The following GRIA1 variants were observed in gnomAD, a reference collection of about 807,000 sequenced individuals.
The protein encoded by GRIA1 is glutamate ionotropic receptor AMPA type subunit 1, also known as glutamate receptor 1.
In GRIA1, 31 loss-of-function variants were observed where a neutral mutation model predicts 99.2. That is an observed-to-expected ratio of 0.31 (90% CI 0.23 to 0.42). The LOEUF (loss-of-function observed/expected upper bound fraction) is 0.42. GRIA1 is among the 10% of genes least tolerant of loss of function. The pLI, the probability that GRIA1 is intolerant of heterozygous loss-of-function variation, is 1.00. For synonymous variants in GRIA1, 438 were observed against 432.4 expected (o/e 1.01, Z -0.16); for missense variants, 782 against 1,157.5 (o/e 0.68, Z 4.71).
chr5:153,630,932 C>T (rs548598468), intron 2 of GRIA1, among the ~76,000 whole-genome samples: 14 of 152,308 alleles, frequency 9.2e-5, no homozygotes, highest in African/African-American at 3.4e-4. Flanking sequence ...GATAGAGAAA[C>T]AAGTCCTGTT....
chr5:153,628,191 A>T (rs1767817892), intron 2 of GRIA1, among the ~76,000 whole-genome samples: 1 of 152,234 alleles, frequency 6.6e-6, no homozygotes, highest in South Asian at 2.1e-4. Context: ...CTCTCACAGA[A>T]GAGGTGGTGT....
chr5:153,588,056 T>C (rs1380554464), intron 2 of GRIA1, among the ~76,000 whole-genome samples: 2 of 152,164 alleles, frequency 1.3e-5, no homozygotes, highest in South Asian at 2.1e-4. Flanking sequence ...TCCTGCCAAT[T>C]GAAAAGACAT....
intron 13 of GRIA1, among the ~76,000 whole-genome samples, chr5:153,783,110 T>A (rs1181448651): frequency 6.6e-6 from 1 of 152,136 alleles, no homozygotes; most frequent in Non-Finnish European, 1.5e-5. Context: ...TCTCCAGCAT[T>A]GTGACCCTGT....
intron 2 of GRIA1, among the ~76,000 whole-genome samples, chr5:153,513,428 C>T (rs74865338): frequency 6.6e-6 from 1 of 152,136 alleles, no homozygotes; most frequent in South Asian, 2.1e-4. Context: ...AAACCTAACA[C>T]AAGCAGAACA....
At chr5:153,670,937 T>C (rs1002291557) in intron 5 of GRIA1, among the ~76,000 whole-genome samples, 2 of 152,204 alleles carry the variant, frequency 1.3e-5, no homozygotes, top group Non-Finnish European at 2.9e-5. Context: ...AAGATTATTA[T>C]TCCCAGCATG....
chr5:153,597,711 A>G (rs1174097738), intron 2 of GRIA1, among the ~76,000 whole-genome samples: 3 of 152,204 alleles, frequency 2.0e-5, no homozygotes, highest in Admixed American at 1.3e-4. Flanking sequence ...CTTGCCCTCA[A>G]GAAAATCACA....
At chr5:153,664,276 G>A (rs1755586094) in intron 5 of GRIA1, among the ~76,000 whole-genome samples, 1 of 152,194 alleles carries the variant, frequency 6.6e-6, no homozygotes, top group South Asian at 2.1e-4. Flanking sequence ...ACAGCTATGA[G>A]AAATACCATA....
At chr5:153,649,184 A>G (rs545984898) in intron 3 of GRIA1, among the ~76,000 whole-genome samples, 4 of 152,306 alleles carry the variant, frequency 2.6e-5, no homozygotes, top group African/African-American at 9.6e-5. Flanking sequence ...TTAGACACCA[A>G]CACAGCCCTG....
chr5:153,625,631 A>G (rs1767529715), intron 2 of GRIA1, among the ~76,000 whole-genome samples: 1 of 152,232 alleles, frequency 6.6e-6, no homozygotes, highest in South Asian at 2.1e-4. Flanking sequence ...AGTACAAATG[A>G]TTATAGGGTC....
chr5:153,669,976 C>A (rs938047403), intron 5 of GRIA1, among the ~76,000 whole-genome samples: 1 of 152,104 alleles, frequency 6.6e-6, no homozygotes, highest in Non-Finnish European at 1.5e-5. Context: ...TTTTGATTCA[C>A]CAGCATTAGA....
intron 11 of GRIA1, among the ~76,000 whole-genome samples, chr5:153,708,066 A>G (rs1759043901): frequency 6.6e-6 from 1 of 152,152 alleles, no homozygotes; most frequent in Admixed American, 6.5e-5. Flanking sequence ...TTCATCAGTG[A>G]GCATCTCATC....
chr5:153,802,150 A>G (rs543241729), intron 14 of GRIA1, among the ~76,000 whole-genome samples: 9 of 152,140 alleles, frequency 5.9e-5, no homozygotes, highest in Non-Finnish European at 1.3e-4. Context: ...TGGAAAATGT[A>G]TAAATACATA....
chr5:153,491,058 A>G (rs2113165312), intron 1 of GRIA1, 88 bp downstream of exon 1: 6 of 1,279,234 alleles, frequency 4.7e-6, no homozygotes, highest in South Asian at 2.4e-5. Flanking sequence ...CCTCCCCGGT[A>G]CTGACTGTTT....
chr5:153,689,998 G>A (rs1757629475), intron 8 of GRIA1, among the ~76,000 whole-genome samples: 1 of 152,200 alleles, frequency 6.6e-6, no homozygotes, highest in Non-Finnish European at 1.5e-5. Flanking sequence ...CTTCTCAGAA[G>A]TGGAGGCACT....
At chr5:153,659,905 G>A (rs887553281) in intron 5 of GRIA1, among the ~76,000 whole-genome samples, 2 of 152,180 alleles carry the variant, frequency 1.3e-5, no homozygotes, top group East Asian at 3.9e-4. Context: ...TTCTAGAGGA[G>A]TAATAACAAT....
chr5:153,628,959 T>G (rs899711704), intron 2 of GRIA1, among the ~76,000 whole-genome samples: 1 of 152,154 alleles, frequency 6.6e-6, no homozygotes, highest in Non-Finnish European at 1.5e-5. Flanking sequence ...CTGCTGAGAA[T>G]CATCATAGAA....
chr5:153,664,464 G>A (rs1288468564), intron 5 of GRIA1, among the ~76,000 whole-genome samples: 2 of 151,668 alleles, frequency 1.3e-5, no homozygotes, highest in Non-Finnish European at 2.9e-5. Context: ...CTCAATACAT[G>A]CATATTTTCT....
At chr5:153,637,223 A>G (rs909376060) in intron 2 of GRIA1, among the ~76,000 whole-genome samples, 2 of 152,236 alleles carry the variant, frequency 1.3e-5, no homozygotes, top group East Asian at 1.9e-4. Context: ...AGTGACTACT[A>G]TGCAAACATC....
chr5:153,547,871 A>G (rs1759751127), intron 2 of GRIA1, among the ~76,000 whole-genome samples: 1 of 152,162 alleles, frequency 6.6e-6, no homozygotes, highest in Non-Finnish European at 1.5e-5. Context: ...GAGACACTGA[A>G]TCAGAGGTGA....
Sources: gnomAD v4.1 joint callset for allele counts (sites outside exome capture counted in the v4.1 genomes callset) on GRCh38, gnomAD v4.1.1 for gene constraint, MANE v1.5 for transcripts, NCBI Gene and HGNC (gene_info 2026-07-23, HGNC 2026-07-21) for gene names.